The following KCNQ1 variants were observed in gnomAD, a reference collection of about 807,000 sequenced individuals.
KCNQ1 encodes potassium voltage-gated channel subfamily Q member 1.
A neutral mutation model predicts 72.4 loss-of-function variants in KCNQ1; 49 were observed. The ratio of observed to expected loss-of-function variants is 0.68; its 90% CI spans 0.54 to 0.86. The LOEUF (loss-of-function observed/expected upper bound fraction) is 0.86, where lower values mean the gene tolerates loss of function less well. KCNQ1 is among the 40% of genes least tolerant of loss of function. The pLI, the probability that KCNQ1 is intolerant of heterozygous loss-of-function variation, is 0.00. For missense variants in KCNQ1, 790 were observed against 945.1 expected, an observed-to-expected ratio of 0.84 and a Z score of 2.15; for synonymous variants, 450 against 412.6, an observed-to-expected ratio of 1.09 and a Z score of -1.10.
rs539778382 is a variant in KCNQ1 at position 2,653,380 on chromosome 11, T to C, written c.1394-8581T>C. On this transcript the variant is annotated intron_variant, in intron 10 of 15. Transcript: ENST00000155840. This position sits in a 1 kb window ranked among gnomAD's most constrained non-coding sequence, Gnocchi z 5.3. ...CCCCCAACTTTGTCATGCACATTCCTGAAGACTCTCTTGGTAACAAATGAT... is the reference window on the plus strand; with the variant it reads ...CCCCCAACTTTGTCATGCACATTCCCGAAGACTCTCTTGGTAACAAATGAT... 85 of 398,774 alleles carry C rather than the reference T, an allele frequency of 2.1e-4. No homozygotes were observed. The highest frequency in any genetic ancestry group is 2.9e-4 in the Non-Finnish European group (66 of 226,132). 24.7% of individuals were successfully genotyped at this position (398,774 alleles called of 1,614,324 possible).
At chr11:2,777,587 G>T in intron 14 of KCNQ1, 1 of 530,082 alleles carries the variant, frequency 1.9e-6, no homozygotes, top group African/African-American at 2.1e-5. Flanking sequence ...CAGCAGCCAC[G>T]GCTCATAGTG....
At chr11:2,840,182 A>AAGAG (rs1364644095) in intron 15 of KCNQ1, 1 of 146,736 alleles carries the variant, frequency 6.8e-6, no homozygotes, top group East Asian at 1.9e-4. Flanking sequence ...TAAAGTAAGG[A>AAGAG]AGAGAAAAGA....
chr11:2,804,971 T>C (rs780776897), intron 15 of KCNQ1, among the ~76,000 whole-genome samples: 1 of 152,138 alleles, frequency 6.6e-6, no homozygotes, highest in Non-Finnish European at 1.5e-5. Flanking sequence ...TCAGATACAA[T>C]GCTGACAGGG....
rs180945575 is a variant in KCNQ1 at position 2,531,171 on chromosome 11, C to T, written c.477+3153C>T. ...GGCTGGACCTGCAGGGACCTTCAGA[C>T]GTGCCCTGGGCTCCACATGCCCGTC... On this transcript the variant is annotated intron_variant, in intron 2 of 15. Transcript: ENST00000155840. 1.6e-3 allele frequency among the ~76,000 whole-genome samples: 223 copies of T among 142,384 alleles called. 4 individuals are homozygous for T. The highest frequency in any genetic ancestry group is 5.8e-3 in the African/African-American group (210 of 36,314). The allele number at this position is 142,384 out of a possible 152,430, so 93.4% of individuals were successfully genotyped here. A position where few individuals can be genotyped will look rare whatever the true frequency, so the allele number is the denominator to read the frequency against.
chr11:2,702,619 T>C (rs1386336182), intron 11 of KCNQ1, among the ~76,000 whole-genome samples: 2 of 152,334 alleles, frequency 1.3e-5, no homozygotes, highest in South Asian at 4.1e-4. Context: ...TAGATTTTCA[T>C]GTTCTGGGCT....
At chr11:2,548,755 C>T (rs773378067) in intron 2 of KCNQ1, among the ~76,000 whole-genome samples, 2 of 152,262 alleles carry the variant, frequency 1.3e-5, no homozygotes, top group Non-Finnish European at 2.9e-5. Context: ...CGGTGTTGGG[C>T]TCTGGCGGTG....
At chr11:2,675,167 C>T (rs2073956) in intron 11 of KCNQ1, 5,588 of 398,580 alleles carry the variant, frequency 0.014, 188 homozygotes, top group East Asian at 0.094. Context: ...AGTGCTCTAG[C>T]GGGGAAAGAT....
In KCNQ1 at chr11:2,627,003, T is replaced by A; in HGVS notation, c.1394-34958T>A. Reference sequence around the variant, plus strand: ...TTGGGATTACCTTGGATTTGTAGATTGTTTTGTGTGGTACTGACACCTTAA... The same window carrying A: ...TTGGGATTACCTTGGATTTGTAGATAGTTTTGTGTGGTACTGACACCTTAA... On this transcript the variant is annotated intron_variant, in intron 10 of 15. Coordinates refer to ENST00000155840, the MANE Select transcript of KCNQ1 (RefSeq NM_000218.3). The surrounding 1 kb of genome is among the most constrained non-coding windows in gnomAD (Gnocchi z 4.9). 2.5e-6 allele frequency: 1 copy of A among 398,626 alleles called. No homozygotes were observed. 24.7% of individuals were successfully genotyped at this position (398,626 alleles called of 1,614,324 possible).
At chr11:2,688,148 C>A (rs747252873) in intron 11 of KCNQ1, 3 of 398,668 alleles carry the variant, frequency 7.5e-6, no homozygotes, top group African/African-American at 6.2e-5. Context: ...AGAGACCCCA[C>A]GCAGCTCCCT....
rs1850576098 is a variant in KCNQ1, at chr11:2,690,838, A to G, written c.1514+28757A>G. 2.5e-6 allele frequency: 1 copy of G among 398,566 alleles called. No homozygotes were observed. 24.7% of individuals were successfully genotyped at this position (398,566 alleles called of 1,614,324 possible). The stretch of plus-strand genomic sequence containing the variant: ...CCAGCTTCCAGGCTCTGGCACTCCC[A>G]CTGTTAGGAACAGGTACCTTTAGGG... On this transcript the variant is annotated intron_variant, in intron 11 of 15. Coordinates refer to ENST00000155840, the MANE Select transcript of KCNQ1 (RefSeq NM_000218.3). The surrounding 1 kb of genome is among the most constrained non-coding windows in gnomAD (Gnocchi z 5.1).
chr11:2,718,700 G>A, intron 11 of KCNQ1, among the ~76,000 whole-genome samples: 1 of 152,194 alleles, frequency 6.6e-6, no homozygotes, highest in South Asian at 2.1e-4. Flanking sequence ...ATCTGTCAGG[G>A]GAAGGGCAGT....
At position 2,588,804 on chromosome 11, in the gene KCNQ1, C is replaced by T. The variant is rs12720449; in HGVS notation, c.1343C>T (p.Pro448Leu). ...LTVPHITCDP[P>L]EERRLDHFSV... ...GTCCCCCATATCACGTGCGACCCCC[C>T]AGAAGAGCGGCGGCTGGACCACTTC... The change falls in exon 10 of 16, where the codon CCA becomes CTA. Residue 448 changes from proline to leucine, a missense_variant. This residue lies in a region of KCNQ1 where 178 missense variants were observed against 177.9 expected (regional missense o/e 1.00). Transcript: ENST00000155840. The surrounding 1 kb of genome is among the most constrained non-coding windows in gnomAD (Gnocchi z 5.6). 64 of 1,613,266 alleles carry T rather than the reference C, an allele frequency of 4.0e-5. No individual in the cohort carries two copies. Among genetic ancestry groups the T allele is most frequent in the Non-Finnish European group, 5.3e-5 (62 of 1,179,942 alleles).
At chr11:2,843,760 G>A (rs1320447544) in intron 15 of KCNQ1, among the ~76,000 whole-genome samples, 2 of 152,214 alleles carry the variant, frequency 1.3e-5, no homozygotes, top group East Asian at 1.9e-4. Flanking sequence ...GGGTTTGATC[G>A]CCGGCCGCCC....
intron 1 of KCNQ1, among the ~76,000 whole-genome samples, chr11:2,524,924 G>A (rs1056378049): frequency 1.1e-4 from 16 of 152,284 alleles, no homozygotes; most frequent in East Asian, 7.7e-4. Context: ...CTTCTGCCCC[G>A]GGCAGCCCGG....
intron 10 of KCNQ1, chr11:2,650,098 A>G: frequency 2.5e-6 from 1 of 397,734 alleles, no homozygotes; most frequent in Non-Finnish European, 4.4e-6. Flanking sequence ...TGTATTTTTT[A>G]TTTCATTCAT....
chr11:2,537,800 C>T lies in KCNQ1; in HGVS notation c.477+9782C>T, dbSNP rs150340996. Among the ~76,000 whole-genome samples, 271 of 152,236 alleles carry T rather than the reference C, an allele frequency of 1.8e-3. 3 individuals carry two copies. Among genetic ancestry groups the T allele is most frequent in the African/African-American group, 5.9e-3 (246 of 41,548 alleles). On this transcript the variant is annotated intron_variant, in intron 2 of 15. Transcript: ENST00000155840. This position sits in a 1 kb window ranked among gnomAD's most constrained non-coding sequence, Gnocchi z 5.2. ...GTGGCATACTCACGGCTCACTGCAG[C>T]CTCGGCCTCCTGGCCTCAAGTGTTC...
At position 2,626,432 on chromosome 11, in the gene KCNQ1, CA is replaced by C. The variant is rs1401798031; in HGVS notation, c.1394-35527del. On this transcript the variant is annotated intron_variant, in intron 10 of 15. Coordinates refer to ENST00000155840, the MANE Select transcript of KCNQ1 (RefSeq NM_000218.3). The surrounding 1 kb of genome is among the most constrained non-coding windows in gnomAD (Gnocchi z 4.0). Reference sequence around the variant, plus strand: ...CTCAGGAATCATTTGATCATGTATACAAGGGTTTATTTTTGGGCTCTCTATT... The same window carrying C: ...CTCAGGAATCATTTGATCATGTATACAGGGTTTATTTTTGGGCTCTCTATT... 2.5e-6 allele frequency: 1 copy of C among 398,480 alleles called. No homozygotes were observed. The highest frequency in any genetic ancestry group is 2.1e-5 in the African/African-American group (1 of 48,618). The allele number at this position is 398,480 out of a possible 1,614,324, so 24.7% of individuals were successfully genotyped here.
chr11:2,454,470 G>C (rs1846157721), intron 1 of KCNQ1, among the ~76,000 whole-genome samples: 1 of 152,128 alleles, frequency 6.6e-6, no homozygotes, highest in Non-Finnish European at 1.5e-5. Context: ...GATTTCAGGT[G>C]ACATATTTCT....
intron 11 of KCNQ1, among the ~76,000 whole-genome samples, chr11:2,732,256 C>G (rs1485055300): frequency 6.6e-6 from 1 of 152,124 alleles, no homozygotes; most frequent in Non-Finnish European, 1.5e-5. Flanking sequence ...GCTCCTGGGC[C>G]TCTCCCCAAC....
Sources: gnomAD v4.1 joint callset for allele counts (sites outside exome capture counted in the v4.1 genomes callset) on GRCh38, gnomAD v4.1.1 for gene constraint, gnomAD v4.1.1 regional missense constraint, Gnocchi (gnomAD v3.1) non-coding constraint, MANE v1.5 for transcripts, NCBI Gene and HGNC (gene_info 2026-07-23, HGNC 2026-07-21) for gene names.